Variants in CADM2 observed in about 807,000 individuals in gnomAD.
CADM2 encodes cell adhesion molecule 2, also known as immunoglobulin superfamily member 4D.
CADM2 carries 12 observed loss-of-function variants against 49.8 expected under a neutral mutation model. That is an observed-to-expected ratio of 0.24 (90% confidence interval 0.15 to 0.39). The LOEUF (loss-of-function observed/expected upper bound fraction) is 0.39. Among genes scored for constraint, CADM2 ranks in the 10% least tolerant of loss-of-function variants. The pLI, the probability that CADM2 is intolerant of heterozygous loss-of-function variation, is 1.00. For missense variants in CADM2, 378 were observed against 492.3 expected (o/e 0.77, Z 2.20); for synonymous variants, 214 against 175.4 (o/e 1.22, Z -1.74).
chr3:85,983,633 A>G (rs1374142322), intron 8 of CADM2, among the ~76,000 whole-genome samples: 3 of 151,774 alleles, frequency 2.0e-5, no homozygotes, highest in Admixed American at 6.6e-5. Context: ...GAAATGGTAG[A>G]TTTTCCCCTA....
intron 3 of CADM2, among the ~76,000 whole-genome samples, chr3:85,826,972 A>G (rs539074119): frequency 6.6e-6 from 1 of 151,916 alleles, no homozygotes; most frequent in Non-Finnish European, 1.5e-5. Flanking sequence ...GTAGTTAGGA[A>G]CTGTTGAGTT....
intron 3 of CADM2, among the ~76,000 whole-genome samples, chr3:85,852,284 T>C (rs2108294997): frequency 6.6e-6 from 1 of 152,254 alleles, no homozygotes; most frequent in South Asian, 2.1e-4. Context: ...AATAAATGTT[T>C]GTTCCATGAA....
chr3:86,056,727 C>T (rs145681562), intron 8 of CADM2, among the ~76,000 whole-genome samples: 7 of 152,224 alleles, frequency 4.6e-5, no homozygotes, highest in African/African-American at 1.7e-4. Flanking sequence ...AGCTAAACAG[C>T]CTTGGAACAC....
chr3:85,782,330 C>T (rs2070701485), intron 2 of CADM2, among the ~76,000 whole-genome samples: 1 of 152,050 alleles, frequency 6.6e-6, no homozygotes, highest in Non-Finnish European at 1.5e-5. Flanking sequence ...GGAAATATAT[C>T]TACTCTGCTA....
chr3:85,835,096 A>G (rs1437994918), intron 3 of CADM2, among the ~76,000 whole-genome samples: 1 of 151,594 alleles, frequency 6.6e-6, no homozygotes, highest in Non-Finnish European at 1.5e-5. Context: ...TAACTTCTTG[A>G]TGGACATCCA....
At chr3:85,405,561 G>C (rs1240168872) in intron 1 of CADM2, among the ~76,000 whole-genome samples, 1 of 152,004 alleles carries the variant, frequency 6.6e-6, no homozygotes, top group African/African-American at 2.4e-5. Context: ...TTGTGATCAA[G>C]GTTGCCCTCA....
intron 1 of CADM2, among the ~76,000 whole-genome samples, chr3:85,052,376 C>A (rs1479340706): frequency 6.6e-6 from 1 of 152,070 alleles, no homozygotes; most frequent in Non-Finnish European, 1.5e-5. Context: ...TATATTGTTA[C>A]CCTACTCCAC....
chr3:85,925,790 G>A (rs985245787), intron 6 of CADM2, among the ~76,000 whole-genome samples: 1 of 152,112 alleles, frequency 6.6e-6, no homozygotes, highest in African/African-American at 2.4e-5. Flanking sequence ...TTCTCTAGTA[G>A]CTCCCTATCT....
chr3:85,123,464 C>T (rs569284277), intron 1 of CADM2, among the ~76,000 whole-genome samples: 1 of 152,220 alleles, frequency 6.6e-6, no homozygotes, highest in East Asian at 1.9e-4. Flanking sequence ...AGTTCGAATA[C>T]AGTGACCTCT....
chr3:85,019,618 T>A (rs1025097574), intron 1 of CADM2, among the ~76,000 whole-genome samples: 1 of 152,188 alleles, frequency 6.6e-6, no homozygotes, highest in Non-Finnish European at 1.5e-5. Context: ...CATGAATATA[T>A]GCTTACAATC....
intron 1 of CADM2, among the ~76,000 whole-genome samples, chr3:85,113,076 T>C (rs1168540546): frequency 6.6e-6 from 1 of 152,084 alleles, no homozygotes; most frequent in Non-Finnish European, 1.5e-5. Context: ...TTTAATACTT[T>C]CTTCTTCAGC....
At chr3:85,216,752 T>C (rs1386410246) in intron 1 of CADM2, among the ~76,000 whole-genome samples, 1 of 152,156 alleles carries the variant, frequency 6.6e-6, no homozygotes, top group Non-Finnish European at 1.5e-5. Context: ...GTCATATTTA[T>C]GATTATTTGT....
intron 3 of CADM2, among the ~76,000 whole-genome samples, chr3:85,824,934 T>C (rs1577406128): frequency 6.6e-6 from 1 of 152,046 alleles, no homozygotes; most frequent in Non-Finnish European, 1.5e-5. Context: ...TGATAACCAA[T>C]GATGACTTAG....
chr3:85,483,560 C>A (rs1024169822), intron 1 of CADM2, among the ~76,000 whole-genome samples: 1 of 150,642 alleles, frequency 6.6e-6, no homozygotes, highest in African/African-American at 2.4e-5. Context: ...CATTTTATAA[C>A]ATTTCCAATT....
intron 1 of CADM2, among the ~76,000 whole-genome samples, chr3:85,510,732 G>A (rs1321741770): frequency 1.3e-5 from 2 of 151,852 alleles, no homozygotes; most frequent in Non-Finnish European, 2.9e-5. Context: ...GCTTTCCTAT[G>A]TGATTAGTTC....
intron 2 of CADM2, among the ~76,000 whole-genome samples, chr3:85,762,273 G>C (rs931204076): frequency 4.6e-5 from 7 of 152,082 alleles, no homozygotes; most frequent in Non-Finnish European, 7.4e-5. Context: ...TCTTTGCCGT[G>C]TGTACCTACC....
intron 1 of CADM2, among the ~76,000 whole-genome samples, chr3:85,014,721 T>C (rs1230211958): frequency 1.3e-5 from 2 of 152,182 alleles, no homozygotes; most frequent in African/African-American, 4.8e-5. Flanking sequence ...CAAGCTTGCA[T>C]GGTTTTTGAA....
intron 1 of CADM2, among the ~76,000 whole-genome samples, chr3:85,601,171 T>G (rs199774049): frequency 1.0e-5 from 1 of 100,140 alleles, no homozygotes; most frequent in African/African-American, 4.4e-5. Context: ...TATATATATA[T>G]ATACACACAC....
At chr3:85,819,263 G>C (rs1347451063) in intron 3 of CADM2, among the ~76,000 whole-genome samples, 1 of 152,082 alleles carries the variant, frequency 6.6e-6, no homozygotes, top group East Asian at 1.9e-4. Context: ...CGGATTGGAT[G>C]GTGCCCACCC....
Sources: gnomAD v4.1 joint callset for allele counts (sites outside exome capture counted in the v4.1 genomes callset) on GRCh38, gnomAD v4.1.1 for gene constraint, MANE v1.5 for transcripts, NCBI Gene and HGNC (gene_info 2026-07-23, HGNC 2026-07-21) for gene names.